The following EXOC1 variants were observed in gnomAD, a reference collection of about 807,000 sequenced individuals.
EXOC1 encodes SEC3-like 1.
Under a neutral mutation model 107.7 loss-of-function variants are expected in EXOC1, and 67 were observed. The ratio of observed to expected loss-of-function variants is 0.62; its 90% CI spans 0.51 to 0.76. The LOEUF (loss-of-function observed/expected upper bound fraction) is 0.76. Ranked by LOEUF, EXOC1 falls within the 30% of genes least tolerant of loss-of-function variation. The pLI is 0.00. For synonymous variants in EXOC1, 348 were observed against 353.5 expected (o/e 0.98, Z 0.17); for missense variants, 833 against 1,055.7 (o/e 0.79, Z 2.92).
chr4:55,861,291 C>G (rs1244846758), intron 3 of EXOC1, among the ~76,000 whole-genome samples: 3 of 152,196 alleles, frequency 2.0e-5, no homozygotes, highest in African/African-American at 7.2e-5. Flanking sequence ...TGTACCACAA[C>G]TACTTGTATG....
At chr4:55,902,022 A>G (rs1418696909) in intron 17 of EXOC1, 1 of 166,024 alleles carries the variant, frequency 6.0e-6, no homozygotes. Flanking sequence ...AGGAATGAAT[A>G]ATAATTGTGG....
chr4:55,895,041 T>C (rs1454160025), intron 15 of EXOC1, among the ~76,000 whole-genome samples: 1 of 152,192 alleles, frequency 6.6e-6, no homozygotes, highest in African/African-American at 2.4e-5. Flanking sequence ...TATAAATTCA[T>C]ATTTTCTCAT....
Position 55,868,400 on chromosome 4 carries a change from C to A in EXOC1, c.480C>A (p.Tyr160Ter). The A allele has an allele frequency of 6.2e-7, 1 of 1,612,508 alleles. No individual in the cohort carries two copies. The highest frequency in any genetic ancestry group is 8.5e-7 in the Non-Finnish European group (1 of 1,179,236). The change falls in exon 5 of 19, where the codon TAC becomes TAA. Residue 160 changes from tyrosine (Y) to a stop codon, truncating the protein, a stop_gained. Coordinates refer to ENST00000381295, the MANE Select transcript of EXOC1 (RefSeq NM_001024924.2). LOFTEE classifies it high-confidence loss of function. ...TGGDEEVVDE[Y>*]QELNAREEQD... ...GTGATGAAGAAGTAGTAGATGAATA[C>A]CAAGAGTTAAATGCAAGAGAAGAAC...
chr4:55,867,108 T>C (rs1012560205), intron 4 of EXOC1, among the ~76,000 whole-genome samples: 8 of 152,314 alleles, frequency 5.3e-5, no homozygotes, highest in African/African-American at 1.4e-4. Context: ...ATGTAAAATA[T>C]TTGTTTAAGT....
chr4:55,904,544 A>C lies in EXOC1; in HGVS notation c.*49A>C. 6.5e-7 allele frequency: 1 copy of C among 1,535,086 alleles called. No individual in the cohort carries two copies. The highest frequency in any genetic ancestry group is 1.3e-5 in the South Asian group (1 of 78,342). ...ACTGAATGAAGCATTTGAGTATAAC[A>C]GACACTATACCAAAATACCAAGCAA... On this transcript the variant is annotated 3_prime_UTR_variant, in exon 19 of 19. Transcript: ENST00000381295.
intron 7 of EXOC1, 116 bp downstream of exon 7, chr4:55,871,349 T>A: frequency 7.7e-7 from 1 of 1,292,320 alleles, no homozygotes; most frequent in Non-Finnish European, 1.0e-6. Context: ...GTTACATTAT[T>A]AGCTATTCAA....
At chr4:55,870,629 T>G in intron 5 of EXOC1, 49 bp from the exon 6 acceptor site, 1 of 1,290,854 alleles carries the variant, frequency 7.7e-7, no homozygotes, top group South Asian at 1.2e-5. Flanking sequence ...AAGTATGTTT[T>G]TTGTTTGTTT....
chr4:55,896,653 A>T (rs1271955679), intron 15 of EXOC1, 64 bp from the exon 16 acceptor site: 1 of 1,302,438 alleles, frequency 7.7e-7, no homozygotes, highest in Non-Finnish European at 1.0e-6. Context: ...ATATTTTGTT[A>T]TGATTATATG....
At chr4:55,900,857 G>A (rs754085352) in intron 17 of EXOC1, among the ~76,000 whole-genome samples, 8 of 152,068 alleles carry the variant, frequency 5.3e-5, no homozygotes, top group Admixed American at 1.3e-4. Flanking sequence ...CAGCCTGGGC[G>A]ACAGAGCAAG....
intron 9 of EXOC1, among the ~76,000 whole-genome samples, chr4:55,880,233 T>C (rs1204362750): frequency 6.6e-6 from 1 of 151,886 alleles, no homozygotes; most frequent in Non-Finnish European, 1.5e-5. Context: ...ACTTCTAAAC[T>C]GAGATAATAA....
intron 5 of EXOC1, among the ~76,000 whole-genome samples, chr4:55,869,614 A>G (rs1373988306): frequency 1.3e-5 from 2 of 152,200 alleles, no homozygotes; most frequent in Non-Finnish European, 1.5e-5. Context: ...TACAGAGTTC[A>G]CTGAAAGCAA....
At chr4:55,868,250 C>G in intron 4 of EXOC1, 86 bp from the exon 5 acceptor site, 1 of 1,127,066 alleles carries the variant, frequency 8.9e-7, no homozygotes, top group Non-Finnish European at 1.2e-6. Flanking sequence ...GTGACCTGTG[C>G]TTATAACTAT....
At chr4:55,865,820 C>A (rs11729456) in intron 4 of EXOC1, among the ~76,000 whole-genome samples, 8,139 of 150,508 alleles carry the variant, frequency 0.054, 319 homozygotes, top group Non-Finnish European at 0.083. Flanking sequence ...AATGAAGTGT[C>A]TAACTTAAAA....
At chr4:55,884,329 T>C (rs930142750) in intron 10 of EXOC1, among the ~76,000 whole-genome samples, 37 of 152,312 alleles carry the variant, frequency 2.4e-4, no homozygotes, top group African/African-American at 8.7e-4. Flanking sequence ...ATCTCTTAAG[T>C]CATTGCTCTC....
intron 8 of EXOC1, among the ~76,000 whole-genome samples, chr4:55,872,161 G>A (rs950833920): frequency 4.6e-5 from 7 of 152,118 alleles, no homozygotes; most frequent in Non-Finnish European, 1.0e-4. Context: ...AGACAGTCTA[G>A]TTCCTTTCAG....
intron 4 of EXOC1, among the ~76,000 whole-genome samples, chr4:55,866,527 C>G (rs1337608433): frequency 6.6e-6 from 1 of 152,112 alleles, no homozygotes; most frequent in Non-Finnish European, 1.5e-5. Context: ...AGGCTACATG[C>G]ATGAGTCACA....
At chr4:55,875,927 A>G (rs569342921) in intron 8 of EXOC1, 2 of 928,958 alleles carry the variant, frequency 2.2e-6, no homozygotes, top group African/African-American at 3.6e-5. Context: ...TTTAAAAAAT[A>G]AAACACAATT....
At chr4:55,877,016 A>T in intron 8 of EXOC1, 1 of 985,272 alleles carries the variant, frequency 1.0e-6, no homozygotes, top group Non-Finnish European at 1.2e-6. Flanking sequence ...TTTCCTTCTG[A>T]ATAGTCTGTA....
intron 3 of EXOC1, among the ~76,000 whole-genome samples, chr4:55,863,550 T>C (rs1721679129): frequency 6.6e-6 from 1 of 152,166 alleles, no homozygotes; most frequent in Non-Finnish European, 1.5e-5. Flanking sequence ...AGGTGGAGGC[T>C]GCAGTGAACC....
Sources: allele counts gnomAD v4.1 joint callset (sites outside exome capture counted in the v4.1 genomes callset), GRCh38; gene constraint gnomAD v4.1.1; transcripts MANE v1.5; gene names NCBI Gene and HGNC (gene_info 2026-07-23, HGNC 2026-07-21).